PCDH11X: variants seen among roughly 807,000 people sequenced by gnomAD.
The protein encoded by PCDH11X is protocadherin 11 X-linked.
Under a neutral mutation model 53.3 loss-of-function variants are expected in PCDH11X, and 18 were observed. The ratio of observed to expected loss-of-function variants is 0.34; its 90% CI spans 0.23 to 0.50. The LOEUF (loss-of-function observed/expected upper bound fraction) is 0.50. PCDH11X is among the 20% of genes least tolerant of loss of function. PCDH11X has a pLI of 0.98. For missense variants in PCDH11X, 570 were observed against 1,032.4 expected (o/e 0.55, Z 6.14); for synonymous variants, 279 against 393.3 (o/e 0.71, Z 3.44).
At chrX:92,241,300 A>G (rs965447791) in intron 7 of PCDH11X, among the ~76,000 whole-genome samples, 7 of 111,875 alleles carry the variant, frequency 6.3e-5, no homozygotes, top group African/African-American at 2.3e-4. Context: ...GATATACATC[A>G]TATAAAGTTC....
chrX:92,338,131 C>G (rs1454802851), intron 8 of PCDH11X, among the ~76,000 whole-genome samples: 1 of 111,753 alleles, frequency 8.9e-6, no homozygotes, highest in Non-Finnish European at 1.9e-5. Flanking sequence ...TTTCTAAGAT[C>G]TGTTCTCATG....
rs1603333874 is a variant in PCDH11X, at chrX:92,460,062, C to T, written c.3344-8237C>T. 6.3e-6 allele frequency: 6 copies of T among 952,739 alleles called. No individual in the cohort carries two copies. In the East Asian group the frequency reaches 1.2e-4, roughly 19 times the overall value. 78.5% of individuals were successfully genotyped at this position (952,739 alleles called of 1,213,427 possible). A position where few individuals can be genotyped will look rare whatever the true frequency, so the allele number is the denominator to read the frequency against. ...ACTGGAGCCATTACTGCAAGACCAT[C>T]GAGGACCTGAGGGCTCAGATCTTCG... On this transcript the variant is annotated intron_variant, in intron 9 of 10. Transcript: ENST00000682573.
intron 10 of PCDH11X, among the ~76,000 whole-genome samples, chrX:92,517,984 G>A (rs183417109): frequency 1.4e-4 from 15 of 109,751 alleles, no homozygotes; most frequent in African/African-American, 2.3e-4. Context: ...ATTCACAGGG[G>A]CTCAGCTCTG....
intron 9 of PCDH11X, among the ~76,000 whole-genome samples, chrX:92,462,077 A>T (rs1228616533): frequency 8.9e-6 from 1 of 111,744 alleles, no homozygotes; most frequent in African/African-American, 3.2e-5. Context: ...AGGTTGGTGA[A>T]AATGTGAAGA....
intron 6 of PCDH11X, among the ~76,000 whole-genome samples, chrX:91,890,812 G>A (rs1049031044): frequency 7.2e-5 from 8 of 111,049 alleles, no homozygotes; most frequent in Non-Finnish European, 1.5e-4. Flanking sequence ...TTCATCAAAT[G>A]GCTATGGTAT....
intron 10 of PCDH11X, among the ~76,000 whole-genome samples, chrX:92,581,152 G>T (rs1923645019): frequency 8.9e-6 from 1 of 111,758 alleles, no homozygotes; most frequent in Non-Finnish European, 1.9e-5. Flanking sequence ...AAGAAATAGT[G>T]GGTCTAAACA....
chrX:91,916,661 A>G (rs900650424), intron 6 of PCDH11X, among the ~76,000 whole-genome samples: 7 of 110,048 alleles, frequency 6.4e-5, no homozygotes, highest in African/African-American at 2.0e-4. Flanking sequence ...ACAAGTAGCA[A>G]GATTGAAACA....
chrX:91,963,509 A>C (rs1469804622), intron 6 of PCDH11X, among the ~76,000 whole-genome samples: 1 of 110,978 alleles, frequency 9.0e-6, no homozygotes, highest in East Asian at 2.9e-4. Flanking sequence ...CCATACCACT[A>C]TCAGCATTTT....
intron 5 of PCDH11X, among the ~76,000 whole-genome samples, chrX:91,859,427 A>G (rs2147683039): frequency 9.1e-6 from 1 of 109,813 alleles, no homozygotes. Flanking sequence ...GTTCACTCTG[A>G]TGATTGTTTC....
At chrX:91,925,893 A>G (rs1941927726) in intron 6 of PCDH11X, among the ~76,000 whole-genome samples, 1 of 109,051 alleles carries the variant, frequency 9.2e-6, no homozygotes, top group Non-Finnish European at 1.9e-5. Flanking sequence ...AATTCAAAGC[A>G]TGTTGATAGG....
At chrX:92,449,181 G>T (rs1367897702) in intron 9 of PCDH11X, among the ~76,000 whole-genome samples, 1 of 111,850 alleles carries the variant, frequency 8.9e-6, no homozygotes, top group Non-Finnish European at 1.9e-5. Context: ...TAACCTACAG[G>T]TGGAGTCTAG....
intron 10 of PCDH11X, among the ~76,000 whole-genome samples, chrX:92,606,232 CAAAAAAA>C (rs61522182): frequency 4.3e-4 from 14 of 32,835 alleles, no homozygotes; most frequent in African/African-American, 2.0e-3. Flanking sequence ...AATTCCGTCT[CAAAAAAA>C]AAAAAAAAAA....
chrX:91,806,011 A>C (rs1274574522), intron 1 of PCDH11X, among the ~76,000 whole-genome samples: 1 of 112,106 alleles, frequency 8.9e-6, no homozygotes, highest in African/African-American at 3.2e-5. Context: ...TAAAGTAGGG[A>C]GATCAGCAGG....
At chrX:91,927,114 T>G (rs1941972709) in intron 6 of PCDH11X, among the ~76,000 whole-genome samples, 1 of 109,333 alleles carries the variant, frequency 9.1e-6, no homozygotes, top group Non-Finnish European at 1.9e-5. Flanking sequence ...ATCTAAATAA[T>G]CTAGATAGAT....
intron 6 of PCDH11X, among the ~76,000 whole-genome samples, chrX:91,974,102 A>G (rs1386118624): frequency 8.9e-6 from 1 of 111,827 alleles, no homozygotes; most frequent in Non-Finnish European, 1.9e-5. Context: ...CAAAGCTTTA[A>G]GAATGTTAAA....
chrX:92,139,362 G>A lies in PCDH11X; in HGVS notation c.3034-62013G>A, dbSNP rs754058668. 5.7e-3 allele frequency among the ~76,000 whole-genome samples: 558 copies of A among 97,832 alleles called. 4 individuals carry two copies. The highest frequency in any genetic ancestry group is 0.021 in the African/African-American group (535 of 26,027). 85.0% of individuals were successfully genotyped at this position (97,832 alleles called of 115,157 possible). On this transcript the variant is annotated intron_variant, in intron 6 of 10. Transcript: ENST00000682573. ...ATGATCTCAGCTCACTGCAACCTCCGCCTCCCAGGTTCAAGCGATTCTCCT... is the reference window on the plus strand; with the variant it reads ...ATGATCTCAGCTCACTGCAACCTCCACCTCCCAGGTTCAAGCGATTCTCCT...
chrX:92,389,398 T>C (rs1209373051), intron 9 of PCDH11X, among the ~76,000 whole-genome samples: 1 of 111,694 alleles, frequency 9.0e-6, no homozygotes, highest in Non-Finnish European at 1.9e-5. Flanking sequence ...CCATAAATCA[T>C]TGTTTTAGTT....
At chrX:91,901,653 T>C (rs1320511803) in intron 6 of PCDH11X, among the ~76,000 whole-genome samples, 1 of 111,555 alleles carries the variant, frequency 9.0e-6, no homozygotes, top group Non-Finnish European at 1.9e-5. Context: ...TACTCTATTA[T>C]CACTCTATGA....
At chrX:92,215,224 G>A (rs915113542) in intron 7 of PCDH11X, among the ~76,000 whole-genome samples, 11 of 110,278 alleles carry the variant, frequency 1.0e-4, no homozygotes, top group Non-Finnish European at 1.3e-4. Flanking sequence ...GCAGCGCACC[G>A]TGCGCGAGGT....
Sources: gnomAD v4.1 joint callset for allele counts (sites outside exome capture counted in the v4.1 genomes callset) on GRCh38, gnomAD v4.1.1 for gene constraint, MANE v1.5 for transcripts, NCBI Gene and HGNC (gene_info 2026-07-23, HGNC 2026-07-21) for gene names.